The following GALK2 variants were observed in gnomAD, a reference collection of about 807,000 sequenced individuals.
GALK2 encodes the protein galactokinase 2, also known as N-acetylgalactosamine kinase.
GALK2 carries 36 observed loss-of-function variants against 52.4 expected under a neutral mutation model. The observed-to-expected ratio is 0.69, with a 90% CI of 0.53 to 0.91. The LOEUF (loss-of-function observed/expected upper bound fraction) is 0.91, where lower values mean the gene tolerates loss of function less well. Ranked by LOEUF, GALK2 falls within the 40% of genes least tolerant of loss-of-function variation. GALK2 has a pLI of 0.00. For missense variants in GALK2, 579 were observed against 559.1 expected (o/e 1.04, Z -0.36); for synonymous variants, 176 against 199.1 (o/e 0.88, Z 0.98).
chr15:49,282,085 T>C lies in GALK2; in HGVS notation c.603T>C (p.Thr201=). 1 of 1,604,602 alleles carries C rather than the reference T, an allele frequency of 6.2e-7. No individual in the cohort carries two copies. Among genetic ancestry groups the C allele is most frequent in the East Asian group, 2.2e-5 (1 of 44,802 alleles). ...TATCATTTCTTGCAGAAGAAGGAAC[T>C]GTAGGTAGCATTCCAAGTAGGAACC... ...QSISFLAEEG[T]AKLIEFSPLR... is the part of the protein sequence containing the mutation. The change falls in exon 6 of 10, where the codon ACT becomes ACC. Residue 201 remains threonine, a splice_region_variant and synonymous_variant. Transcript: ENST00000560031.
Position 49,282,334 on chromosome 15 carries a change from A to G in GALK2, c.603+249A>G, listed in dbSNP as rs150543019. 3.9e-5 allele frequency among the ~76,000 whole-genome samples: 6 copies of G among 152,248 alleles called. No homozygotes were observed. The East Asian group carries it at 1.2e-3, about 29-fold the overall frequency. ...TCAGGTCTGTTTTTCTCATGTGTCT[A>G]GCTTTTTCCCCTCTTCTATTTTTCT... On this transcript the variant is annotated intron_variant, in intron 6 of 9. Transcript: ENST00000560031.
At chr15:49,170,514 C>T in intron 1 of GALK2, 139 bp downstream of exon 1, 1 of 774,074 alleles carries the variant, frequency 1.3e-6, no homozygotes, top group Non-Finnish European at 2.1e-6. Flanking sequence ...TCTATAAGGA[C>T]ACGTGGCTGG....
chr15:49,196,234 A>G, intron 1 of GALK2, among the ~76,000 whole-genome samples: 1 of 151,480 alleles, frequency 6.6e-6, no homozygotes, highest in Non-Finnish European at 1.5e-5. Context: ...TCCTATTATC[A>G]TTTTTCATTT....
intron 1 of GALK2, among the ~76,000 whole-genome samples, chr15:49,193,753 A>G (rs981930389): frequency 3.4e-5 from 5 of 148,290 alleles, no homozygotes; most frequent in East Asian, 2.0e-4. Flanking sequence ...TTTGAGATGG[A>G]GTCTCATTCT....
intron 4 of GALK2, among the ~76,000 whole-genome samples, chr15:49,238,635 C>CT (rs1219292558): frequency 6.6e-6 from 1 of 152,146 alleles, no homozygotes; most frequent in African/African-American, 2.4e-5. Flanking sequence ...TATGTGTCAT[C>CT]TTGGGAAAGT....
intron 8 of GALK2, among the ~76,000 whole-genome samples, chr15:49,306,763 T>C (rs1034772702): frequency 2.0e-5 from 3 of 152,212 alleles, no homozygotes; most frequent in Admixed American, 6.5e-5. Flanking sequence ...GTTTCCTCTT[T>C]TCACATTTTG....
intron 3 of GALK2, among the ~76,000 whole-genome samples, chr15:49,340,114 A>G (rs899335153): frequency 1.3e-5 from 2 of 152,116 alleles, no homozygotes; most frequent in Admixed American, 1.3e-4. Context: ...CCCCCTTTCC[A>G]GGGGAGTGAA....
At chr15:49,199,930 C>T (rs780798436) in intron 1 of GALK2, among the ~76,000 whole-genome samples, 30 of 152,148 alleles carry the variant, frequency 2.0e-4, no homozygotes, top group African/African-American at 6.0e-4. Flanking sequence ...TCCCAAGAGA[C>T]GAGCTTGAAT....
Position 49,328,324 on chromosome 15 carries a change from A to C in GALK2, c.*165A>C. On this transcript the variant is annotated 3_prime_UTR_variant, in exon 10 of 10. Coordinates refer to ENST00000560031, the MANE Select transcript of GALK2 (RefSeq NM_002044.4). Reference sequence around the variant, plus strand: ...AATGGTTGAAAGCTCTCTATGCTTCATAATGATTCTTTTTCCATCTTAAAA... The same window carrying C: ...AATGGTTGAAAGCTCTCTATGCTTCCTAATGATTCTTTTTCCATCTTAAAA... 1 of 1,432,394 alleles carries C rather than the reference A, an allele frequency of 7.0e-7. No individual in the cohort carries two copies. Among genetic ancestry groups the C allele is most frequent in the African/African-American group, 1.4e-5 (1 of 69,742 alleles). The allele number at this position is 1,432,394 out of a possible 1,614,324, so 88.7% of individuals were successfully genotyped here.
intron 8 of GALK2, among the ~76,000 whole-genome samples, chr15:49,303,915 T>C (rs1219473486): frequency 6.6e-6 from 1 of 152,230 alleles, no homozygotes; most frequent in African/African-American, 2.4e-5. Flanking sequence ...TCTAAGGAAA[T>C]GTTACTCAGT....
intron 3 of GALK2, among the ~76,000 whole-genome samples, chr15:49,232,853 A>G (rs1335847856): frequency 6.6e-6 from 1 of 152,188 alleles, no homozygotes. Flanking sequence ...AGACCTTCTT[A>G]GCTGGGATTT....
chr15:49,310,588 G>T (rs2035910479), intron 8 of GALK2, among the ~76,000 whole-genome samples: 1 of 152,056 alleles, frequency 6.6e-6, no homozygotes, highest in Non-Finnish European at 1.5e-5. Context: ...TTCTAACTGG[G>T]TGAGACGATA....
chr15:49,329,724 T>A lies in GALK2; in HGVS notation c.*1565T>A. On this transcript the variant is annotated 3_prime_UTR_variant, in exon 10 of 10. Transcript: ENST00000560031. ...AACCTGAATTTATTTAAATTTATAA[T>A]CCTTTATTTTTTAATACCGTGCCAT... 7.2e-6 allele frequency: 7 copies of A among 972,648 alleles called. No homozygotes were observed. The highest frequency in any genetic ancestry group is 8.6e-6 in the Non-Finnish European group (7 of 818,466). The allele number at this position is 972,648 out of a possible 1,614,324, so 60.3% of individuals were successfully genotyped here.
At position 49,161,707 on chromosome 15, in the gene GALK2, A is replaced by AATTT. The variant is rs2084656183; in HGVS notation, c.20+5704_20+5707dup. ...TAAGCTGCACATACTTAAAGTATAA[A>AATTT]ATTTATTTATTTATTTTATTTTATT... On this transcript the variant is annotated intron_variant, in intron 1 of 9. Coordinates refer to the GALK2 transcript ENST00000327171. The AATTT allele has an allele frequency of 1.7e-5, 3 of 176,870 alleles. No homozygotes were observed. In the Admixed American group the frequency reaches 1.8e-4, roughly 11 times the overall value. 11.0% of individuals were successfully genotyped at this position (176,870 alleles called of 1,614,324 possible).
chr15:49,158,335 G>A (rs1197461377), intron 1 of GALK2, among the ~76,000 whole-genome samples: 4 of 152,216 alleles, frequency 2.6e-5, no homozygotes, highest in Non-Finnish European at 5.9e-5. Flanking sequence ...TGGAAAATTT[G>A]TAAGCATGTC....
In GALK2 at chr15:49,328,304, T is replaced by C; in HGVS notation, c.*145T>C. 4 of 1,437,348 alleles carry C rather than the reference T, an allele frequency of 2.8e-6. No homozygotes were observed. The highest frequency in any genetic ancestry group is 2.7e-6 in the Non-Finnish European group (3 of 1,099,234). 89.0% of individuals were successfully genotyped at this position (1,437,348 alleles called of 1,614,324 possible). On this transcript the variant is annotated 3_prime_UTR_variant, in exon 10 of 10. Coordinates refer to ENST00000560031, the MANE Select transcript of GALK2 (RefSeq NM_002044.4). ...TCAAGATATATTTTCAAAGAAATGG[T>C]TGAAAGCTCTCTATGCTTCATAATG...
At chr15:49,212,980 T>G (rs182796036) in intron 2 of GALK2, among the ~76,000 whole-genome samples, 40 of 152,330 alleles carry the variant, frequency 2.6e-4, no homozygotes, top group African/African-American at 8.9e-4. Context: ...CTGGGGCTGT[T>G]GGATGGAATG....
At chr15:49,360,558 G>C (rs1422609848) in intron 3 of GALK2, among the ~76,000 whole-genome samples, 1 of 125,482 alleles carries the variant, frequency 8.0e-6, no homozygotes, top group Non-Finnish European at 1.8e-5. Flanking sequence ...GCTTGAGGTG[G>C]CTTATAAAAA....
At chr15:49,296,608 T>C (rs928018352) in intron 8 of GALK2, among the ~76,000 whole-genome samples, 2 of 151,820 alleles carry the variant, frequency 1.3e-5, no homozygotes, top group Non-Finnish European at 2.9e-5. Context: ...CTTTTTCTTT[T>C]TTTTTTTTTA....
Sources: allele counts gnomAD v4.1 joint callset (sites outside exome capture counted in the v4.1 genomes callset), GRCh38; gene constraint gnomAD v4.1.1; transcripts MANE v1.5; gene names NCBI Gene and HGNC (gene_info 2026-07-23, HGNC 2026-07-21).